DHX8: variants seen among roughly 807,000 people sequenced by gnomAD.
DHX8 encodes the protein ATP-dependent RNA helicase DHX8.
In DHX8, 67 loss-of-function variants were observed where a neutral mutation model predicts 140.7. The ratio of observed to expected loss-of-function variants is 0.48; its 90% CI spans 0.39 to 0.58. The LOEUF is 0.58. DHX8 is among the 20% of genes least tolerant of loss of function. The pLI, the probability that DHX8 is intolerant of heterozygous loss-of-function variation, is 0.00. For synonymous variants in DHX8, 533 were observed against 553.2 expected (o/e 0.96, Z 0.51); for missense variants, 887 against 1,550.7 (o/e 0.57, Z 7.19).
chr17:43,517,034 C>A (rs1970149340), intron 17 of DHX8, 133 bp from the exon 18 acceptor site: 1 of 938,882 alleles, frequency 1.1e-6, no homozygotes, highest in Non-Finnish European at 1.5e-6. Flanking sequence ...TGGAAATGGT[C>A]CCAAAGGAAG....
In DHX8 at chr17:43,490,370, G is replaced by A. The variant is rs779158847; in HGVS notation, c.235-21G>A. ...ACTGATATGGGAGCTGACAATTTTC[G>A]TTCTATGTTTCTTTTCAAAGGATTC... On this transcript the variant is annotated intron_variant, in intron 2 of 22. Transcript: ENST00000262415. 7.5e-6 allele frequency: 12 copies of A among 1,607,096 alleles called. No individual in the cohort carries two copies. In the African/African-American group the frequency reaches 8.0e-5, roughly 11 times the overall value.
intron 3 of DHX8, chr17:43,536,518 C>T (rs374207978): frequency 6.2e-6 from 10 of 1,601,162 alleles, no homozygotes; most frequent in Non-Finnish European, 2.6e-6. Flanking sequence ...GGGCGGAGCC[C>T]TGGTTGTCCC....
At chr17:43,487,128 C>T (rs1968208187) in intron 1 of DHX8, among the ~76,000 whole-genome samples, 1 of 152,174 alleles carries the variant, frequency 6.6e-6, no homozygotes, top group African/African-American at 2.4e-5. Context: ...ATAATAGCAC[C>T]TACTTATGAG....
chr17:43,522,098 G>A lies in DHX8; in HGVS notation c.3315G>A (p.Lys1105=). Residue 1105 remains lysine, a synonymous_variant, in exon 22 of 23, where the codon AAG becomes AAA. Transcript: ENST00000262415. ...SCGKSTVRVQ[K]AICSGFFRNA... is the part of the protein sequence containing the mutation. ...GCAAGTCCACAGTCCGAGTGCAGAA[G>A]GCCATCTGCAGTGGGTTCTTCCGTA... The A allele has an allele frequency of 6.2e-7, 1 of 1,614,142 alleles. No homozygotes were observed. The highest frequency in any genetic ancestry group is 8.5e-7 in the Non-Finnish European group (1 of 1,180,026).
At chr17:43,499,534 C>G (rs1194670534) in intron 10 of DHX8, among the ~76,000 whole-genome samples, 1 of 152,144 alleles carries the variant, frequency 6.6e-6, no homozygotes, top group Admixed American at 6.5e-5. Flanking sequence ...GGGAATTCAC[C>G]AGCCCTTAAG....
chr17:43,490,202 A>G lies in DHX8; in HGVS notation c.235-189A>G, dbSNP rs546788547. Among the ~76,000 whole-genome samples the G allele has an allele frequency of 3.3e-5, 5 of 152,298 alleles. No individual in the cohort carries two copies. In the East Asian group the frequency reaches 7.7e-4, roughly 24 times the overall value. On this transcript the variant is annotated intron_variant, in intron 2 of 22. Transcript: ENST00000262415. ...CTTTTCTCCCCAAAGAGTCCTAAAT[A>G]TCGGCTTTCTCTGAAGCTATTATAC...
downstream of DHX8, among the ~76,000 whole-genome samples, chr17:43,530,605 CGCGCGT>C (rs982793515): frequency 2.2e-4 from 10 of 45,534 alleles, no homozygotes; most frequent in African/African-American, 7.3e-4. Flanking sequence ...CCTGTGCACG[CGCGCGT>C]GTGTGTGTGT....
chr17:43,486,875 CAAAAAA>C (rs34339308), intron 1 of DHX8, among the ~76,000 whole-genome samples: 1 of 95,318 alleles, frequency 1.0e-5, no homozygotes. Context: ...GACTCCGTCT[CAAAAAA>C]AAAAAAAAAA....
In DHX8 at chr17:43,493,048, C is replaced by G. The variant is rs752465390; in HGVS notation, c.863+8C>G. On this transcript the variant is annotated splice_region_variant and intron_variant, in intron 6 of 22. Transcript: ENST00000262415. ...GCAGCTGGAAGGACTAAGGTAATGA[C>G]TGGTGCTCTTTTGTTCACACCAGTG... 78 of 1,608,972 alleles carry G rather than the reference C, an allele frequency of 4.8e-5. No individual in the cohort carries two copies. Among genetic ancestry groups the G allele is most frequent in the Non-Finnish European group, 6.1e-5 (72 of 1,175,986 alleles).
chr17:43,524,189 AG>A lies in DHX8; in HGVS notation c.*343del. On this transcript the variant is annotated 3_prime_UTR_variant, in exon 23 of 23. Coordinates refer to ENST00000262415, the MANE Select transcript of DHX8 (RefSeq NM_004941.3). ...GAGCATCTTGTGCAGGGACATGGTG[AG>A]TGCCCTGATGCCCCAGCTAGCAGGA... is the stretch of plus-strand genomic sequence containing the variant. The A allele has an allele frequency of 8.6e-7, 1 of 1,157,578 alleles. No individual in the cohort carries two copies. The allele number at this position is 1,157,578 out of a possible 1,614,324, so 71.7% of individuals were successfully genotyped here. A position where few individuals can be genotyped will look rare whatever the true frequency, so the allele number is the denominator to read the frequency against.
intron 18 of DHX8, chr17:43,517,639 A>G (rs1970177620): frequency 8.2e-6 from 2 of 243,152 alleles, no homozygotes; most frequent in African/African-American, 4.6e-5. Flanking sequence ...GGACACACAC[A>G]CCTAACCTCA....
In DHX8 at chr17:43,523,622, C is replaced by G. The variant is rs376826695; in HGVS notation, c.3444-6C>G. On this transcript the variant is annotated splice_polypyrimidine_tract_variant and splice_region_variant and intron_variant, in intron 22 of 22. Transcript: ENST00000262415. Reference sequence around the variant, plus strand: ...AGGCTTGAGTACTATCTCTGTCCCCCCTCAGGGTGGTGTACCATGAGCTGG... The same window carrying G: ...AGGCTTGAGTACTATCTCTGTCCCCGCTCAGGGTGGTGTACCATGAGCTGG... The G allele has an allele frequency of 1.6e-5, 26 of 1,613,890 alleles. No individual in the cohort carries two copies. Among genetic ancestry groups the G allele is most frequent in the Admixed American group, 3.3e-5 (2 of 60,000 alleles).
At chr17:43,529,254 T>G (rs774276897), downstream of DHX8, 1 of 1,613,240 alleles carries the variant, frequency 6.2e-7, no homozygotes, top group Non-Finnish European at 8.5e-7. Flanking sequence ...CAAAACAGTT[T>G]TGGGGTAGAG....
At chr17:43,529,949 T>A, downstream of DHX8, 1 of 1,614,154 alleles carries the variant, frequency 6.2e-7, no homozygotes, top group South Asian at 1.1e-5. Flanking sequence ...CTCATAGCCA[T>A]AGCCTTGTGG....
At chr17:43,516,428 A>T (rs1970117400) in intron 17 of DHX8, among the ~76,000 whole-genome samples, 1 of 151,882 alleles carries the variant, frequency 6.6e-6, no homozygotes, top group African/African-American at 2.4e-5. Context: ...CATTGCAAAC[A>T]TGATTTTTAT....
intron 12 of DHX8, among the ~76,000 whole-genome samples, chr17:43,505,268 G>T (rs921572181): frequency 1.3e-5 from 2 of 152,176 alleles, no homozygotes; most frequent in Admixed American, 1.3e-4. Flanking sequence ...AATTAGCTGG[G>T]CGTGGTGGCG....
At chr17:43,484,224 T>C (rs1034705256) in intron 1 of DHX8, 39 bp downstream of exon 1, 2 of 1,547,430 alleles carry the variant, frequency 1.3e-6, no homozygotes, top group African/African-American at 3.5e-5. Flanking sequence ...AGTTTGGGAT[T>C]GAGGGAAGCG....
chr17:43,514,790 ATAAATTATGGTAT>A, intron 17 of DHX8, among the ~76,000 whole-genome samples: 1 of 152,246 alleles, frequency 6.6e-6, no homozygotes, highest in Non-Finnish European at 1.5e-5. Flanking sequence ...AAGTAGTTTA[ATAAATTATGGTAT>A]ATTCATGCCA....
chr17:43,523,975 A>C lies in DHX8; in HGVS notation c.*128A>C. On this transcript the variant is annotated 3_prime_UTR_variant, in exon 23 of 23. Coordinates refer to ENST00000262415, the MANE Select transcript of DHX8 (RefSeq NM_004941.3). ...CTTAACTGAGCATTTTCTCAACTCG[A>C]CTCTCATTTCTTCCCTGCTGGTAAA... is the stretch of plus-strand genomic sequence containing the variant. 4 of 1,461,306 alleles carry C rather than the reference A, an allele frequency of 2.7e-6. No individual in the cohort carries two copies. The highest frequency in any genetic ancestry group is 2.5e-5 in the East Asian group (1 of 40,774). The allele number at this position is 1,461,306 out of a possible 1,614,324, so 90.5% of individuals were successfully genotyped here.
Sources: allele counts gnomAD v4.1 joint callset (sites outside exome capture counted in the v4.1 genomes callset), GRCh38; gene constraint gnomAD v4.1.1; transcripts MANE v1.5; gene names NCBI Gene and HGNC (gene_info 2026-07-23, HGNC 2026-07-21).